The following EFEMP1 variants were observed in gnomAD, a reference collection of about 807,000 sequenced individuals.
EFEMP1 encodes the protein EGF-containing fibulin-like extracellular matrix protein 1.
A neutral mutation model predicts 65.7 loss-of-function variants in EFEMP1; 18 were observed. That is an observed-to-expected ratio of 0.27 (90% CI 0.19 to 0.41). EFEMP1 has a LOEUF of 0.41. Ranked by LOEUF, EFEMP1 falls within the 10% of genes least tolerant of loss-of-function variation. EFEMP1 has a pLI of 1.00. For missense variants in EFEMP1, 469 were observed against 624.8 expected (o/e 0.75, Z 2.66); for synonymous variants, 237 against 219.7 (o/e 1.08, Z -0.70).
intron 5 of EFEMP1, among the ~76,000 whole-genome samples, chr2:55,891,525 T>C (rs750053552): frequency 1.3e-5 from 2 of 152,146 alleles, no homozygotes; most frequent in South Asian, 4.1e-4. Context: ...TGAATATCTA[T>C]ACTTTCTCTC....
chr2:55,876,725 C>T lies in EFEMP1; in HGVS notation c.778G>A (p.Ala260Thr). 4 of 1,607,760 alleles carry T rather than the reference C, an allele frequency of 2.5e-6. No individual in the cohort carries two copies. Among genetic ancestry groups the T allele is most frequent in the Non-Finnish European group, 3.4e-6 (4 of 1,176,368 alleles). ...YTCVDINECD[A>T]SNQCAQQCYN... The stretch of plus-strand genomic sequence containing the variant: ...CACTGCTGAGCACATTGATTGCTGG[C>T]ATCACATTCATTTATATCTGAAAAA... The change falls in exon 8 of 12, where the codon GCC becomes ACC. Residue 260 changes from alanine (A) to threonine (T), a missense_variant. Physicochemically the swap from Ala to Thr is moderately conservative, Grantham distance 58. Transcript: ENST00000355426.
chr2:55,897,450 G>C (rs1435174266), intron 5 of EFEMP1, among the ~76,000 whole-genome samples: 1 of 152,150 alleles, frequency 6.6e-6, no homozygotes, highest in Non-Finnish European at 1.5e-5. Flanking sequence ...CCACCATTGA[G>C]AAGGAAAAGT....
At chr2:55,907,188 C>T (rs1005935509) in intron 5 of EFEMP1, among the ~76,000 whole-genome samples, 2 of 152,208 alleles carry the variant, frequency 1.3e-5, no homozygotes, top group African/African-American at 2.4e-5. Flanking sequence ...GCATCATCAA[C>T]TATGATCAGT....
chr2:55,912,780 TA>T (rs1484725050), intron 5 of EFEMP1, among the ~76,000 whole-genome samples: 2 of 152,006 alleles, frequency 1.3e-5, no homozygotes, highest in Admixed American at 1.3e-4. Flanking sequence ...TTGGAAAAAA[TA>T]AAAATTTTAG....
rs1011465005 is a variant in EFEMP1 at position 55,887,411 on chromosome 2, AG to A, written c.518-5678del. Among the ~76,000 whole-genome samples the A allele has an allele frequency of 4.6e-5, 7 of 152,274 alleles. No individual in the cohort carries two copies. The South Asian group carries it at 1.0e-3, about 23-fold the overall frequency. On this transcript the variant is annotated intron_variant, in intron 5 of 11. Transcript: ENST00000355426. The stretch of plus-strand genomic sequence containing the variant: ...TTCTTCTACTTAGAATAACATTCAT[AG>A]CTCTCCAAGTTTTCTGTTTCCCTCC...
chr2:55,895,703 G>A (rs1669802979), intron 5 of EFEMP1, among the ~76,000 whole-genome samples: 1 of 151,698 alleles, frequency 6.6e-6, no homozygotes, highest in African/African-American at 2.4e-5. Flanking sequence ...CACCTCGCCC[G>A]GCTAATTTTT....
chr2:55,886,673 T>C lies in EFEMP1; in HGVS notation c.518-4939A>G, dbSNP rs1669433460. On this transcript the variant is annotated intron_variant, in intron 5 of 11. Transcript: ENST00000355426. The surrounding 1 kb of genome is among the most constrained non-coding windows in gnomAD (Gnocchi z 4.0). Reference sequence around the variant, plus strand: ...TGCTCAAAATGATTGCTCCCAATCCTTTCTAGAGACAGGGTGATAAACTAG... The same window carrying C: ...TGCTCAAAATGATTGCTCCCAATCCCTTCTAGAGACAGGGTGATAAACTAG... Among the ~76,000 whole-genome samples, 1 of 152,182 alleles carries C rather than the reference T, an allele frequency of 6.6e-6. No homozygotes were observed. Among genetic ancestry groups the C allele is most frequent in the African/African-American group, 2.4e-5 (1 of 41,448 alleles).
chr2:55,905,837 C>A (rs573164271), intron 5 of EFEMP1, among the ~76,000 whole-genome samples: 54 of 152,256 alleles, frequency 3.5e-4, no homozygotes, highest in South Asian at 8.3e-4. Flanking sequence ...AGTATAAGCT[C>A]TTTTTCTAAC....
rs1263965407 is a variant in EFEMP1, at chr2:55,871,020, G to T, written c.1104C>A (p.Pro368=). ...RCYPRNPCQD[P]YILTPENRCV... ...CTTACTTCTCTGGTGTTAGAATGTA[G>T]GGATCTTGACAAGGATTTCGTGGAT... Residue 368 remains proline, a synonymous_variant, in exon 10 of 12, where the codon CCC becomes CCA. Transcript: ENST00000355426. This position sits in a 1 kb window ranked among gnomAD's most constrained non-coding sequence, Gnocchi z 4.2. 73 of 1,613,604 alleles carry T rather than the reference G, an allele frequency of 4.5e-5. No individual in the cohort carries two copies. The highest frequency in any genetic ancestry group is 6.1e-5 in the Non-Finnish European group (72 of 1,179,812).
intron 5 of EFEMP1, among the ~76,000 whole-genome samples, chr2:55,895,181 C>T (rs896528329): frequency 1.3e-5 from 2 of 152,228 alleles, no homozygotes; most frequent in Non-Finnish European, 2.9e-5. Flanking sequence ...GGGCTGCTGC[C>T]AGGCTCCCAG....
At chr2:55,918,838 C>G (rs1161348322) in intron 3 of EFEMP1, among the ~76,000 whole-genome samples, 1 of 152,116 alleles carries the variant, frequency 6.6e-6, no homozygotes, top group Non-Finnish European at 1.5e-5. Context: ...ACTGAACAAA[C>G]AGCCTATGGA....
chr2:55,889,594 C>A (rs1446266716), intron 5 of EFEMP1, among the ~76,000 whole-genome samples: 3 of 152,022 alleles, frequency 2.0e-5, no homozygotes, highest in Non-Finnish European at 2.9e-5. Flanking sequence ...TAAATAAGTA[C>A]TGACTGCCTA....
chr2:55,895,355 G>T (rs1252873413), intron 5 of EFEMP1, among the ~76,000 whole-genome samples: 1 of 152,114 alleles, frequency 6.6e-6, no homozygotes, highest in Non-Finnish European at 1.5e-5. Context: ...ATGGCCCTCT[G>T]CATCAGCCTG....
rs538030679 is a variant in EFEMP1 at position 55,921,699 on chromosome 2, G to A, written c.81+661C>T. On this transcript the variant is annotated intron_variant, in intron 3 of 11. Coordinates refer to ENST00000355426, the MANE Select transcript of EFEMP1 (RefSeq NM_001039348.3). The surrounding 1 kb of genome is among the most constrained non-coding windows in gnomAD (Gnocchi z 4.1). ...TTTATTAAACATTGGTTACACCTAT[G>A]CAACTAACTAATCAAATATTACTTG... Among the ~76,000 whole-genome samples the A allele has an allele frequency of 1.3e-5, 2 of 152,170 alleles. No homozygotes were observed. The highest frequency in any genetic ancestry group is 4.1e-4 in the South Asian group (2 of 4,830).
Position 55,922,619 on chromosome 2 carries a change from A to G in EFEMP1, c.-7-172T>C, listed in dbSNP as rs964965901. On this transcript the variant is annotated intron_variant, in intron 2 of 11. Transcript: ENST00000355426. The surrounding 1 kb of genome is among the most constrained non-coding windows in gnomAD (Gnocchi z 5.5). ...CCTCCCCCTCCTGAACCTTCTCGGT[A>G]GCCAACGAACGAGGCAGCAAAGACG... is the stretch of plus-strand genomic sequence containing the variant. 3.1e-5 allele frequency: 21 copies of G among 674,206 alleles called. No homozygotes were observed. In the African/African-American group the frequency reaches 3.2e-4, roughly 10 times the overall value. 41.8% of individuals were successfully genotyped at this position (674,206 alleles called of 1,614,324 possible).
Position 55,877,458 on chromosome 2 carries a change from A to G in EFEMP1, c.760+288T>C, listed in dbSNP as rs1284593583. On this transcript the variant is annotated intron_variant, in intron 7 of 11. Coordinates refer to ENST00000355426, the MANE Select transcript of EFEMP1 (RefSeq NM_001039348.3). This position sits in a 1 kb window ranked among gnomAD's most constrained non-coding sequence, Gnocchi z 4.5. ...TAACCCCTTTGGCACTTTCAGCATT[A>G]TATCACACACTGCTGATTGACTGGT... 5.3e-5 allele frequency among the ~76,000 whole-genome samples: 8 copies of G among 152,168 alleles called. No individual in the cohort carries two copies. Among genetic ancestry groups the G allele is most frequent in the South Asian group, 2.1e-4 (1 of 4,834 alleles).
At chr2:55,908,172 A>G (rs1299015356) in intron 5 of EFEMP1, among the ~76,000 whole-genome samples, 1 of 152,196 alleles carries the variant, frequency 6.6e-6, no homozygotes, top group African/African-American at 2.4e-5. Flanking sequence ...ACTTTCTTGG[A>G]TTCTAAAAAC....
chr2:55,893,950 C>G (rs1010328222), intron 5 of EFEMP1, among the ~76,000 whole-genome samples: 12 of 152,150 alleles, frequency 7.9e-5, no homozygotes, highest in African/African-American at 2.9e-4. Flanking sequence ...CAAACACAGC[C>G]TTTCTTGCTA....
chr2:55,868,047 A>T (rs898830351), intron 11 of EFEMP1, among the ~76,000 whole-genome samples: 2 of 152,140 alleles, frequency 1.3e-5, no homozygotes, highest in Non-Finnish European at 2.9e-5. Flanking sequence ...TTATATACTC[A>T]TGAGCAGCTT....
Sources: allele counts gnomAD v4.1 joint callset (sites outside exome capture counted in the v4.1 genomes callset), GRCh38; gene constraint gnomAD v4.1.1; non-coding constraint Gnocchi (gnomAD v3.1); transcripts MANE v1.5; gene names NCBI Gene and HGNC (gene_info 2026-07-23, HGNC 2026-07-21).